NISCH: variants seen among roughly 807,000 people sequenced by gnomAD.
NISCH encodes I-1 receptor candidate protein.
NISCH carries 55 observed loss-of-function variants against 138.4 expected under a neutral mutation model. That is an observed-to-expected ratio of 0.40 (90% CI 0.32 to 0.50). The LOEUF (loss-of-function observed/expected upper bound fraction) is 0.50. Ranked by LOEUF, NISCH falls within the 20% of genes least tolerant of loss-of-function variation. NISCH has a pLI of 0.71. For synonymous variants in NISCH, 860 were observed against 861.5 expected, an observed-to-expected ratio of 1.00 and a Z score of 0.03; for missense variants, 1,643 against 2,005.5, an observed-to-expected ratio of 0.82 and a Z score of 3.45.
intron 11 of NISCH, 142 bp from the exon 12 acceptor site, chr3:52,479,607 A>G (rs1707208483): frequency 1.5e-6 from 1 of 653,372 alleles, no homozygotes; most frequent in African/African-American, 1.8e-5. Flanking sequence ...GGCCCACAGC[A>G]GGTGCTCACG....
intron 13 of NISCH, 154 bp downstream of exon 13, chr3:52,480,449 G>T (rs757207078): frequency 1.1e-5 from 17 of 1,539,668 alleles, no homozygotes; most frequent in Non-Finnish European, 1.5e-5. Flanking sequence ...CCTCGCGGGG[G>T]GACACATGGC....
chr3:52,477,282 G>A (rs1322136027), intron 8 of NISCH, among the ~76,000 whole-genome samples: 1 of 152,190 alleles, frequency 6.6e-6, no homozygotes, highest in East Asian at 1.9e-4. Context: ...GTGTGGGCAG[G>A]GTTGAAGAAG....
At position 52,479,810 on chromosome 3, in the gene NISCH, C is replaced by T; in HGVS notation, c.1364C>T (p.Ala455Val). The part of the protein sequence containing the change: ...KELDTVEVLK[A>V]IQKAKEVKSK... ...CTGGACACTGTGGAAGTGCTGAAAGCAATTCAGAAAGCCAAGGAGGTCAAG... is the reference window on the plus strand; with the variant it reads ...CTGGACACTGTGGAAGTGCTGAAAGTAATTCAGAAAGCCAAGGAGGTCAAG... Residue 455 changes from alanine (A) to valine (V), a missense_variant, in exon 12 of 21, where the codon GCA becomes GTA. Physicochemically the swap from Ala to Val is moderately conservative, Grantham distance 64. Coordinates refer to ENST00000345716, the MANE Select transcript of NISCH (RefSeq NM_007184.4). 1 of 1,613,806 alleles carries T rather than the reference C, an allele frequency of 6.2e-7. No individual in the cohort carries two copies. Among genetic ancestry groups the T allele is most frequent in the Non-Finnish European group, 8.5e-7 (1 of 1,179,910 alleles).
rs1707230976 is a variant in NISCH at position 52,480,250 on chromosome 3, G to T, written c.1483G>T (p.Ala495Ser). 1.2e-6 allele frequency: 2 copies of T among 1,613,890 alleles called. No individual in the cohort carries two copies. Among genetic ancestry groups the T allele is most frequent in the East Asian group, 2.2e-5 (1 of 44,880 alleles). Residue 495 changes from alanine to serine, a missense_variant, in exon 13 of 21, where the codon GCT becomes TCT. Transcript: ENST00000345716. Reference sequence around the variant, plus strand: ...ACCCAGCAGCTCCCCTCCCACTGTGGCTCCCGCATCTGCCTCCCTGCCCCA... The same window carrying T: ...ACCCAGCAGCTCCCCTCCCACTGTGTCTCCCGCATCTGCCTCCCTGCCCCA... Reference protein sequence around the residue: ...IRPSSSPPTVAPASASLPQPI... With the variant: ...IRPSSSPPTVSPASASLPQPI...
intron 13 of NISCH, 51 bp from the exon 14 acceptor site, chr3:52,484,462 T>TACCCCCCCCCCCCCCCCCCCC: frequency 2.5e-6 from 2 of 788,670 alleles, no homozygotes. Context: ...ACAGCCGCTC[T>TACCCCCCCCCCCCCCCCCCCC]CCCCGCCCCA....
chr3:52,476,079 A>C (rs1707089643), intron 7 of NISCH, among the ~76,000 whole-genome samples: 1 of 152,196 alleles, frequency 6.6e-6, no homozygotes, highest in Non-Finnish European at 1.5e-5. Context: ...CAGAGGTGGC[A>C]GTGAACTGAG....
chr3:52,480,848 GT>G, intron 13 of NISCH: 1 of 1,533,738 alleles, frequency 6.5e-7, no homozygotes, highest in East Asian at 2.4e-5. Context: ...CTATCTTAGC[GT>G]TTTCAAAGGG....
intron 13 of NISCH, chr3:52,480,961 C>T (rs1707254068): frequency 6.0e-6 from 9 of 1,498,386 alleles, no homozygotes; most frequent in South Asian, 1.3e-5. Context: ...GAGGGTGTGC[C>T]GTCCCGAGTG....
chr3:52,464,410 C>T, intron 3 of NISCH, among the ~76,000 whole-genome samples: 1 of 147,576 alleles, frequency 6.8e-6, no homozygotes, highest in African/African-American at 2.5e-5. Context: ...ACAAAAAAAA[C>T]AAAAAAAACA....
chr3:52,484,659 TG>T, intron 14 of NISCH, 22 bp downstream of exon 14: 1 of 1,613,450 alleles, frequency 6.2e-7, no homozygotes, highest in Non-Finnish European at 8.5e-7. Context: ...TTCCCGCTTC[TG>T]GGGACCATAC....
In NISCH at chr3:52,489,662, A is replaced by G; in HGVS notation, c.3440A>G (p.His1147Arg). 3.1e-6 allele frequency: 5 copies of G among 1,612,470 alleles called. No individual in the cohort carries two copies. Among genetic ancestry groups the G allele is most frequent in the Non-Finnish European group, 4.2e-6 (5 of 1,179,746 alleles). The change falls in exon 17 of 21, where the codon CAC becomes CGC. Residue 1147 changes from histidine (H) to arginine (R), a missense_variant. Coordinates refer to ENST00000345716, the MANE Select transcript of NISCH (RefSeq NM_007184.4). The stretch of plus-strand genomic sequence containing the variant: ...GGCAGCGCCATCATCGAGCTCTTCC[A>G]CAGCAGCATTGCTGAGGTAGCGGCC... ...LRGSAIIELF[H>R]SSIAEVENEE...
intron 3 of NISCH, among the ~76,000 whole-genome samples, chr3:52,469,092 G>T (rs908431340): frequency 6.6e-6 from 1 of 152,158 alleles, no homozygotes; most frequent in Non-Finnish European, 1.5e-5. Flanking sequence ...ACAGGAAAAG[G>T]ACACCCTGTC....
Position 52,487,372 on chromosome 3 carries a change from A to G in NISCH, c.1880A>G (p.Gln627Arg). The change falls in exon 16 of 21, where the codon CAG (glutamine) becomes CGG (arginine). Residue 627 changes from glutamine to arginine, a missense_variant. Coordinates refer to ENST00000345716, the MANE Select transcript of NISCH (RefSeq NM_007184.4). This position sits in a 1 kb window ranked among gnomAD's most constrained non-coding sequence, Gnocchi z 9.1. ...QLPAWIEAAN[Q>R]REEGQGEQGE... The stretch of plus-strand genomic sequence containing the variant: ...CCTGCCTGGATCGAGGCTGCCAACC[A>G]GCGGGAGGAGGGCCAGGGTGAACAG... 7 of 1,614,058 alleles carry G rather than the reference A, an allele frequency of 4.3e-6. No homozygotes were observed. The highest frequency in any genetic ancestry group is 5.9e-6 in the Non-Finnish European group (7 of 1,180,010).
Position 52,492,387 on chromosome 3 carries a change from C to T in NISCH, c.4420C>T (p.Pro1474Ser), listed in dbSNP as rs1224731643. Reference protein sequence around the residue: ...GREVQWQVFVPSAESREKLIS... With the variant: ...GREVQWQVFVSSAESREKLIS... ...TGAAGTCCAGTGGCAGGTGTTTGTCCCCAGTGCTGAGAGCAGAGAGAAGCT... is the reference window on the plus strand; with the variant it reads ...TGAAGTCCAGTGGCAGGTGTTTGTCTCCAGTGCTGAGAGCAGAGAGAAGCT... Residue 1474 changes from proline to serine, a missense_variant, in exon 21 of 21, where the codon CCC becomes TCC. By Grantham distance (74) the Pro-to-Ser change is moderately conservative. Coordinates refer to ENST00000345716, the MANE Select transcript of NISCH (RefSeq NM_007184.4). The T allele has an allele frequency of 6.2e-7, 1 of 1,613,094 alleles. No homozygotes were observed. Among genetic ancestry groups the T allele is most frequent in the Non-Finnish European group, 8.5e-7 (1 of 1,180,016 alleles).
chr3:52,477,809 C>G, intron 9 of NISCH, 167 bp downstream of exon 9: 2 of 653,798 alleles, frequency 3.1e-6, no homozygotes, highest in Non-Finnish European at 5.4e-6. Context: ...TGCTCTAGTT[C>G]CAAAGAATTA....
In NISCH at chr3:52,471,585, G is replaced by C. The variant is rs979980652; in HGVS notation, c.410-229G>C. On this transcript the variant is annotated intron_variant, in intron 4 of 20. Transcript: ENST00000345716. ...TCACTCCTCCCTCAGTGGCTCCCCA[G>C]CCTCACAGCCCCACAGCCCTGCCCT... The C allele has an allele frequency of 1.6e-5, 9 of 577,294 alleles. No homozygotes were observed. The African/African-American group carries it at 1.7e-4, about 11-fold the overall frequency. The allele number at this position is 577,294 out of a possible 1,614,324, so 35.8% of individuals were successfully genotyped here.
intron 13 of NISCH, chr3:52,481,855 A>C: frequency 1.0e-6 from 1 of 985,458 alleles, no homozygotes; most frequent in Non-Finnish European, 1.2e-6. Context: ...CCATCGCTGG[A>C]CTTCTGGACA....
chr3:52,465,253 C>T (rs1161161501), intron 3 of NISCH, among the ~76,000 whole-genome samples: 1 of 152,180 alleles, frequency 6.6e-6, no homozygotes, highest in Non-Finnish European at 1.5e-5. Context: ...CCTCAACCCC[C>T]CAAGTAGCTG....
At position 52,488,500 on chromosome 3, in the gene NISCH, C is replaced by T. The variant is rs777509289; in HGVS notation, c.3008C>T (p.Ala1003Val). ...CTGCGCGTCTACAACCAGCTGCGGG[C>T]CTCGCTGCAGGACCTGAAGACTGTG... The part of the protein sequence containing the change: ...HFLRVYNQLR[A>V]SLQDLKTVVI... Residue 1003 changes from alanine (A) to valine (V), a missense_variant, in exon 16 of 21, where the codon GCC (alanine) becomes GTC (valine). Transcript: ENST00000345716. 1.8e-5 allele frequency: 29 copies of T among 1,613,252 alleles called. No individual in the cohort carries two copies. The highest frequency in any genetic ancestry group is 5.3e-5 in the African/African-American group (4 of 74,942).
Sources: allele counts gnomAD v4.1 joint callset (sites outside exome capture counted in the v4.1 genomes callset), GRCh38; gene constraint gnomAD v4.1.1; non-coding constraint Gnocchi (gnomAD v3.1); transcripts MANE v1.5; gene names NCBI Gene and HGNC (gene_info 2026-07-23, HGNC 2026-07-21).